The following TBC1D22A variants were observed in gnomAD, a reference collection of about 807,000 sequenced individuals.
TBC1D22A encodes TBC1 domain family member 22A.
In TBC1D22A, 38 loss-of-function variants were observed where a neutral mutation model predicts 60.2. The observed-to-expected ratio is 0.63, with a 90% CI of 0.49 to 0.83. The LOEUF is 0.83. Among genes scored for constraint, TBC1D22A ranks in the 40% least tolerant of loss-of-function variants. The pLI is 0.00. For missense variants in TBC1D22A, 628 were observed against 701.0 expected (o/e 0.90, Z 1.18); for synonymous variants, 302 against 281.7 (o/e 1.07, Z -0.72).
chr22:46,790,716 C>T (rs1293541593), intron 1 of TBC1D22A, among the ~76,000 whole-genome samples: 1 of 152,282 alleles, frequency 6.6e-6, no homozygotes, highest in East Asian at 1.9e-4. Flanking sequence ...GACCACTGTT[C>T]TCTTGTTGAA....
intron 4 of TBC1D22A, among the ~76,000 whole-genome samples, chr22:46,798,556 G>A (rs1344389261): frequency 6.6e-6 from 1 of 152,256 alleles, no homozygotes; most frequent in Non-Finnish European, 1.5e-5. Flanking sequence ...AGTTCCTCTG[G>A]TGGAATTCCT....
intron 12 of TBC1D22A, among the ~76,000 whole-genome samples, chr22:47,128,840 G>C (rs1040413021): frequency 6.6e-6 from 1 of 152,182 alleles, no homozygotes; most frequent in African/African-American, 2.4e-5. Context: ...GGGCCCCAGA[G>C]TCCCATCAAG....
intron 11 of TBC1D22A, among the ~76,000 whole-genome samples, chr22:47,076,741 TG>T (rs2064242627): frequency 6.6e-6 from 1 of 151,796 alleles, no homozygotes; most frequent in South Asian, 2.1e-4. Flanking sequence ...ATGTAACAGG[TG>T]GGGGAAAACA....
At chr22:46,826,626 C>T (rs535387896) in intron 4 of TBC1D22A, among the ~76,000 whole-genome samples, 3 of 152,262 alleles carry the variant, frequency 2.0e-5, no homozygotes, top group African/African-American at 7.2e-5. Context: ...CTTGGGCACC[C>T]AGGGCTCCTG....
At chr22:47,005,494 A>C (rs2061557829) in intron 10 of TBC1D22A, among the ~76,000 whole-genome samples, 1 of 151,542 alleles carries the variant, frequency 6.6e-6, no homozygotes, top group Non-Finnish European at 1.5e-5. Context: ...ACACACACCT[A>C]GACATACCTA....
chr22:46,769,484 C>A (rs529859605), intron 1 of TBC1D22A, among the ~76,000 whole-genome samples: 1 of 152,340 alleles, frequency 6.6e-6, no homozygotes, highest in African/African-American at 2.4e-5. Flanking sequence ...GTCCCGGGAC[C>A]CTGGCAGAGT....
intron 1 of TBC1D22A, chr22:46,763,394 G>GTTTTTTTTTTTTTTTTTTTTTTT (rs61285872): frequency 1.5e-5 from 1 of 66,622 alleles, no homozygotes; most frequent in African/African-American, 6.4e-5. Context: ...TTAGCAGGAA[G>GTTTTTTTTTTTTTTTTTTTTTTT]TTTTTTTTTT....
intron 11 of TBC1D22A, among the ~76,000 whole-genome samples, chr22:47,048,694 C>T (rs2148434987): frequency 6.6e-6 from 1 of 152,332 alleles, no homozygotes; most frequent in African/African-American, 2.4e-5. Context: ...CATTGCTTCT[C>T]CTAGTGAACG....
rs75679775 is a variant in TBC1D22A, at chr22:47,053,447, C to G, written c.1329+16249C>G. Among the ~76,000 whole-genome samples, 1,294 of 152,312 alleles carry G rather than the reference C, an allele frequency of 8.5e-3. 12 individuals carry two copies. The highest frequency in any genetic ancestry group is 9.4e-3 in the Non-Finnish European group (637 of 68,012). ...GACCAGCAAGCAGGGTGGCCTGTCC[C>G]AGGGCCGCCTCGTCAGGCGCACTCA... On this transcript the variant is annotated intron_variant, in intron 11 of 12. Transcript: ENST00000337137.
chr22:47,104,262 C>A (rs1320487396), intron 11 of TBC1D22A, among the ~76,000 whole-genome samples: 1 of 152,086 alleles, frequency 6.6e-6, no homozygotes, highest in African/African-American at 2.4e-5. Flanking sequence ...CAGCCGAGAT[C>A]ATGCAACTGC....
rs1305457533 is a variant in TBC1D22A at position 47,028,516 on chromosome 22, C to T, written c.1202-8555C>T. On this transcript the variant is annotated intron_variant, in intron 10 of 12. Transcript: ENST00000337137. The surrounding 1 kb of genome is among the most constrained non-coding windows in gnomAD (Gnocchi z 4.4). The stretch of plus-strand genomic sequence containing the variant: ...GCATTCCTGTCCCTCGGTCCCTGTC[C>T]CCCACGGCCCAGGTTCTGAGAGTGA... Among the ~76,000 whole-genome samples the T allele has an allele frequency of 1.3e-5, 2 of 149,244 alleles. No individual in the cohort carries two copies. Among genetic ancestry groups the T allele is most frequent in the Non-Finnish European group, 3.0e-5 (2 of 67,578 alleles).
chr22:47,123,714 G>A lies in TBC1D22A; in HGVS notation c.1425+12111G>A, dbSNP rs538882291. ...GTCATGAAATGCCAAAGTAGAGATC[G>A]TTGTCTCCGTCTTTATTGTTTCAAG... On this transcript the variant is annotated intron_variant, in intron 12 of 12. Coordinates refer to ENST00000337137, the MANE Select transcript of TBC1D22A (RefSeq NM_014346.5). Among the ~76,000 whole-genome samples the A allele has an allele frequency of 2.9e-3, 438 of 152,330 alleles. 6 individuals are homozygous for A. Among genetic ancestry groups the A allele is most frequent in the African/African-American group, 0.01 (424 of 41,574 alleles).
chr22:47,106,848 G>A (rs1017180018), intron 11 of TBC1D22A, among the ~76,000 whole-genome samples: 4 of 152,182 alleles, frequency 2.6e-5, no homozygotes, highest in South Asian at 4.2e-4. Context: ...TTGAAACCTC[G>A]TCTCTACAAC....
intron 10 of TBC1D22A, among the ~76,000 whole-genome samples, chr22:47,016,838 C>T (rs2061924228): frequency 6.6e-6 from 1 of 152,234 alleles, no homozygotes. Flanking sequence ...CGGCCTGCCT[C>T]CTGCAGAGCT....
At position 46,792,932 on chromosome 22, in the gene TBC1D22A, C is replaced by T. The variant is rs550056122; in HGVS notation, c.119+356C>T. ...GCATTCTCCACCAGCTGCTGGAGCC[C>T]GGCCCTGGCCTGTCCTGGCCCCTCC... On this transcript the variant is annotated intron_variant, in intron 2 of 12. Coordinates refer to ENST00000337137, the MANE Select transcript of TBC1D22A (RefSeq NM_014346.5). 214 of 1,298,796 alleles carry T rather than the reference C, an allele frequency of 1.6e-4. No individual in the cohort carries two copies. The East Asian group carries it at 2.5e-3, about 15-fold the overall frequency. The allele number at this position is 1,298,796 out of a possible 1,614,324, so 80.5% of individuals were successfully genotyped here.
chr22:46,836,553 A>G (rs1012279302), intron 4 of TBC1D22A, among the ~76,000 whole-genome samples: 3 of 152,152 alleles, frequency 2.0e-5, no homozygotes, highest in Non-Finnish European at 4.4e-5. Flanking sequence ...AGAAGACGGC[A>G]AGAGAGGAGG....
chr22:46,805,856 T>G (rs554075674), intron 4 of TBC1D22A, among the ~76,000 whole-genome samples: 20 of 151,172 alleles, frequency 1.3e-4, no homozygotes, highest in Non-Finnish European at 2.9e-4. Flanking sequence ...TCTTCTTCTT[T>G]TTTTTCTTTA....
intron 12 of TBC1D22A, among the ~76,000 whole-genome samples, chr22:47,144,821 G>A (rs1223005033): frequency 4.3e-5 from 1 of 23,330 alleles, no homozygotes; most frequent in Admixed American, 4.3e-4. Context: ...GCCCGTGAAG[G>A]TGCCTGCTGG....
At chr22:47,120,014 AT>A (rs1216018999) in intron 12 of TBC1D22A, among the ~76,000 whole-genome samples, 1 of 152,192 alleles carries the variant, frequency 6.6e-6, no homozygotes. Flanking sequence ...ATATTATAAA[AT>A]AAAAAATATC....
Sources: gnomAD v4.1 joint callset for allele counts (sites outside exome capture counted in the v4.1 genomes callset) on GRCh38, gnomAD v4.1.1 for gene constraint, Gnocchi (gnomAD v3.1) non-coding constraint, MANE v1.5 for transcripts, NCBI Gene and HGNC (gene_info 2026-07-23, HGNC 2026-07-21) for gene names.